RABGAP1: variants seen among roughly 807,000 people sequenced by gnomAD.
RABGAP1 encodes rab GTPase-activating protein 1.
Under a neutral mutation model 137.6 loss-of-function variants are expected in RABGAP1, and 23 were observed. That is an observed-to-expected ratio of 0.17 (90% CI 0.12 to 0.24). The LOEUF is 0.24. Ranked by LOEUF, RABGAP1 falls within the 10% of genes least tolerant of loss-of-function variation. RABGAP1 has a pLI of 1.00. For missense variants in RABGAP1, 906 were observed against 1,275.8 expected (o/e 0.71, Z 4.42); for synonymous variants, 451 against 450.7 (o/e 1.00, Z -0.01).
intron 21 of RABGAP1, among the ~76,000 whole-genome samples, chr9:123,093,241 C>T (rs2035080837): frequency 6.6e-6 from 1 of 152,200 alleles, no homozygotes; most frequent in South Asian, 2.1e-4. Context: ...TGTTATTCAT[C>T]ACCTGTCACT....
chr9:122,970,560 T>A (rs979787871), intron 2 of RABGAP1, among the ~76,000 whole-genome samples: 1 of 152,222 alleles, frequency 6.6e-6, no homozygotes, highest in African/African-American at 2.4e-5. Flanking sequence ...ACCCAGGTAG[T>A]AAGCACAGTA....
At chr9:123,071,833 G>A (rs2034364923) in intron 15 of RABGAP1, among the ~76,000 whole-genome samples, 1 of 152,122 alleles carries the variant, frequency 6.6e-6, no homozygotes, top group African/African-American at 2.4e-5. Flanking sequence ...GAAAGTGAAT[G>A]GTACAGTATA....
chr9:122,975,097 C>A (rs553823435), intron 2 of RABGAP1, among the ~76,000 whole-genome samples: 2 of 152,268 alleles, frequency 1.3e-5, no homozygotes, highest in Admixed American at 6.5e-5. Context: ...CAGTTTGAAC[C>A]ATTTTCATTT....
At chr9:122,965,021 A>C (rs552401186) in intron 2 of RABGAP1, among the ~76,000 whole-genome samples, 1 of 152,176 alleles carries the variant, frequency 6.6e-6, no homozygotes, top group Non-Finnish European at 1.5e-5. Context: ...GATTTCAAGA[A>C]AAGTGAAAAA....
chr9:123,031,948 A>G (rs1177696929), intron 13 of RABGAP1, among the ~76,000 whole-genome samples: 1 of 152,232 alleles, frequency 6.6e-6, no homozygotes, highest in Non-Finnish European at 1.5e-5. Context: ...ACGCCATGTC[A>G]TCATTCCTTC....
intron 13 of RABGAP1, among the ~76,000 whole-genome samples, chr9:123,048,282 C>G (rs1443483743): frequency 6.6e-6 from 1 of 152,148 alleles, no homozygotes; most frequent in Non-Finnish European, 1.5e-5. Flanking sequence ...ATTTAAATCT[C>G]TGATTTGTGA....
At chr9:123,038,365 T>C (rs2032779328) in intron 13 of RABGAP1, among the ~76,000 whole-genome samples, 2 of 152,146 alleles carry the variant, frequency 1.3e-5, no homozygotes, top group Admixed American at 6.6e-5. Context: ...TTGGGAAAAC[T>C]TGAATTTTTT....
At chr9:122,994,259 G>A (rs1836903459) in intron 6 of RABGAP1, among the ~76,000 whole-genome samples, 1 of 152,138 alleles carries the variant, frequency 6.6e-6, no homozygotes, top group African/African-American at 2.4e-5. Flanking sequence ...TCTGCTTCCT[G>A]TTACTGCATC....
At chr9:123,067,068 T>C (rs753926560) in intron 14 of RABGAP1, among the ~76,000 whole-genome samples, 2 of 152,242 alleles carry the variant, frequency 1.3e-5, no homozygotes, top group South Asian at 4.1e-4. Flanking sequence ...AATTAATTAG[T>C]AGCTACTCCA....
intron 13 of RABGAP1, among the ~76,000 whole-genome samples, chr9:123,021,156 T>A (rs1316202869): frequency 1.3e-5 from 2 of 152,118 alleles, no homozygotes; most frequent in African/African-American, 4.8e-5. Flanking sequence ...CAAACCTGGG[T>A]CGTGAATGTA....
In RABGAP1 at chr9:122,986,348, C is replaced by T; in HGVS notation, c.519C>T (p.Ile173=). Residue 173 remains isoleucine (I), a synonymous_variant, in exon 4 of 26, where the codon ATC becomes ATT. Transcript: ENST00000373647. ...TGGAAGCCTTAAGGATGATGTCCAT[C>T]TTAAGAAGCCAGTGTCAGATTTCAC... is the stretch of plus-strand genomic sequence containing the variant. The part of the protein sequence containing the change: ...SEVEALRMMS[I]LRSQCQISLD... 3 of 1,614,118 alleles carry T rather than the reference C, an allele frequency of 1.9e-6. No individual in the cohort carries two copies. Among genetic ancestry groups the T allele is most frequent in the Non-Finnish European group, 2.5e-6 (3 of 1,180,006 alleles).
chr9:123,038,804 C>T (rs1255935644), intron 13 of RABGAP1, among the ~76,000 whole-genome samples: 1 of 151,574 alleles, frequency 6.6e-6, no homozygotes, highest in African/African-American at 2.4e-5. Context: ...GTAGACATTT[C>T]TTATGGCTGT....
intron 13 of RABGAP1, among the ~76,000 whole-genome samples, chr9:123,049,828 T>C (rs1367732348): frequency 6.6e-6 from 1 of 152,250 alleles, no homozygotes; most frequent in Non-Finnish European, 1.5e-5. Context: ...ACCGCTGATA[T>C]ACCAGGCCTT....
At chr9:122,956,949 C>T (rs2131622447) in intron 1 of RABGAP1, 62 bp from the exon 2 acceptor site, 1 of 844,548 alleles carries the variant, frequency 1.2e-6, no homozygotes, top group African/African-American at 1.7e-5. Flanking sequence ...GTAAGAAGTA[C>T]AGTGTAATTG....
intron 13 of RABGAP1, among the ~76,000 whole-genome samples, chr9:123,046,211 TTCA>T (rs1016496388): frequency 1.3e-5 from 2 of 152,224 alleles, no homozygotes; most frequent in Non-Finnish European, 2.9e-5. Flanking sequence ...TTGGATGTAC[TTCA>T]TCAAGGGAAT....
intron 1 of RABGAP1, among the ~76,000 whole-genome samples, chr9:122,943,148 C>T (rs1020308169): frequency 5.0e-5 from 7 of 140,088 alleles, no homozygotes; most frequent in Non-Finnish European, 7.5e-5. Context: ...GATCTTGGCT[C>T]ACTGCAACCT....
At chr9:122,973,986 G>A (rs562233696) in intron 2 of RABGAP1, among the ~76,000 whole-genome samples, 138 of 150,480 alleles carry the variant, frequency 9.2e-4, no homozygotes, top group African/African-American at 1.6e-3. Flanking sequence ...CAGCCTGGGC[G>A]ACGAGCGAAA....
intron 23 of RABGAP1, 100 bp from the exon 24 acceptor site, chr9:123,099,378 C>CTATGTTAATTCCATAGTTACA: frequency 8.8e-7 from 1 of 1,133,686 alleles, no homozygotes; most frequent in Non-Finnish European, 1.3e-6. Flanking sequence ...CTATTTGCTA[C>CTATGTTAATTCCATAGTTACA]TATGTTAATT....
chr9:122,933,962 C>T, the RABGAP1 span, among the ~76,000 whole-genome samples: 1 of 151,478 alleles, frequency 6.6e-6, no homozygotes, highest in African/African-American at 2.4e-5. Flanking sequence ...GAGACCGCGC[C>T]TTGCTATGTT....
Sources: gnomAD v4.1 joint callset for allele counts (sites outside exome capture counted in the v4.1 genomes callset) on GRCh38, gnomAD v4.1.1 for gene constraint, MANE v1.5 for transcripts, NCBI Gene and HGNC (gene_info 2026-07-23, HGNC 2026-07-21) for gene names.